PCDHGB4: variants seen among roughly 807,000 people sequenced by gnomAD.
The protein encoded by PCDHGB4 is protocadherin gamma subfamily B, 4.
A neutral mutation model predicts 60.5 loss-of-function variants in PCDHGB4; 38 were observed. The ratio of observed to expected loss-of-function variants is 0.63; its 90% CI spans 0.48 to 0.82. The LOEUF (loss-of-function observed/expected upper bound fraction) is 0.82. Among genes scored for constraint, PCDHGB4 ranks in the 40% least tolerant of loss-of-function variants. The pLI, the probability that PCDHGB4 is intolerant of heterozygous loss-of-function variation, is 0.00. For synonymous variants in PCDHGB4, 456 were observed against 509.7 expected (o/e 0.89, Z 1.42); for missense variants, 1,109 against 1,209.6 (o/e 0.92, Z 1.23).
At chr5:141,430,252 A>C (rs1292590200) in intron 1 of PCDHGB4, among the ~76,000 whole-genome samples, 1 of 102,244 alleles carries the variant, frequency 9.8e-6, no homozygotes, top group Admixed American at 1.0e-4. Context: ...CTAGGGAGAC[A>C]TCTCCATAAT....
intron 1 of PCDHGB4, chr5:141,413,940 TC>T (rs1190444840): frequency 1.2e-6 from 2 of 1,613,390 alleles, no homozygotes; most frequent in East Asian, 2.2e-5. Context: ...GAGTGAGTGT[TC>T]CTGAGAATTT....
At chr5:141,393,769 T>C in intron 1 of PCDHGB4, 2 of 1,613,912 alleles carry the variant, frequency 1.2e-6, no homozygotes, top group Non-Finnish European at 1.7e-6. Flanking sequence ...GAAATGGAAA[T>C]ACAAGCCGAA....
Position 141,388,177 on chromosome 5 carries a change from A to T in PCDHGB4, c.293A>T (p.Lys98Met), listed in dbSNP as rs778496978. 25 of 1,515,690 alleles carry T rather than the reference A, an allele frequency of 1.6e-5. No individual in the cohort carries two copies. The Admixed American group carries it at 4.5e-4, about 27-fold the overall frequency. 93.9% of individuals were successfully genotyped at this position (1,515,690 alleles called of 1,614,324 possible). Residue 98 changes from lysine (K) to methionine (M), a missense_variant, in exon 1 of 4, where the codon AAG becomes ATG. Lys to Met is a moderately conservative substitution (Grantham distance 95). Coordinates refer to ENST00000519479, the MANE Select transcript of PCDHGB4 (RefSeq NM_003736.4). ...SRLDREEICG[K>M]KPACALEFEA... The stretch of plus-strand genomic sequence containing the variant: ...CTAGACAGGGAGGAGATATGCGGGA[A>T]GAAGCCAGCTTGTGCTCTGGAATTT...
In PCDHGB4 at chr5:141,419,493, A is replaced by G. The variant is rs1246204844; in HGVS notation, c.2397+29212A>G. 5.0e-6 allele frequency: 8 copies of G among 1,612,382 alleles called. No individual in the cohort carries two copies. The highest frequency in any genetic ancestry group is 1.7e-4 in the Middle Eastern group (1 of 5,978). On this transcript the variant is annotated intron_variant, in intron 1 of 3. Coordinates refer to ENST00000519479, the MANE Select transcript of PCDHGB4 (RefSeq NM_003736.4). ...CAGGGCTCGCCCGCGCTCAGCGCCA[A>G]TGTGAGCCTGCGCGTGTTGGTGGGC...
chr5:141,422,400 G>A (rs1207332302), intron 1 of PCDHGB4: 3 of 1,598,664 alleles, frequency 1.9e-6, no homozygotes, highest in South Asian at 2.3e-5. Context: ...CTAACCACCT[G>A]CCTTTTAAAT....
At chr5:141,462,039 T>A (rs569871892) in intron 1 of PCDHGB4, among the ~76,000 whole-genome samples, 1 of 152,276 alleles carries the variant, frequency 6.6e-6, no homozygotes, top group Non-Finnish European at 1.5e-5. Flanking sequence ...GTCAGGCGGG[T>A]CTTGAACTCC....
intron 1 of PCDHGB4, among the ~76,000 whole-genome samples, chr5:141,494,100 G>T (rs559145191): frequency 6.6e-6 from 1 of 152,152 alleles, no homozygotes; most frequent in Non-Finnish European, 1.5e-5. Flanking sequence ...ATTTTTCTCC[G>T]TCTCAGACAG....
In PCDHGB4 at chr5:141,400,505, C is replaced by T. The variant is rs759107285; in HGVS notation, c.2397+10224C>T. The stretch of plus-strand genomic sequence containing the variant: ...TTTCCACTTTGTAATTCCAGCGAGT[C>T]GACTTCCCATCCTGAGTTGGTGAGT... On this transcript the variant is annotated intron_variant, in intron 1 of 3. Transcript: ENST00000519479. 9 of 1,613,816 alleles carry T rather than the reference C, an allele frequency of 5.6e-6. No homozygotes were observed. In the African/African-American group the frequency reaches 6.7e-5, roughly 12 times the overall value.
At chr5:141,497,245 G>T (rs779763574) in intron 2 of PCDHGB4, among the ~76,000 whole-genome samples, 2 of 152,138 alleles carry the variant, frequency 1.3e-5, no homozygotes, top group Non-Finnish European at 2.9e-5. Flanking sequence ...TCTAGGAGGA[G>T]GTGACATTGA....
chr5:141,407,959 G>T, intron 1 of PCDHGB4: 1 of 668,062 alleles, frequency 1.5e-6, no homozygotes, highest in South Asian at 2.3e-5. Flanking sequence ...CCAGTGCAGA[G>T]CAAGCGCTGA....
chr5:141,482,530 C>CAAAAAAAAAAAAAAAAA (rs3074545), intron 1 of PCDHGB4, among the ~76,000 whole-genome samples: 1 of 76,562 alleles, frequency 1.3e-5, no homozygotes, highest in African/African-American at 4.8e-5. Flanking sequence ...GACAGACATG[C>CAAAAAAAAAAAAAAAAA]AAAAAAAAAA....
chr5:141,465,501 C>T (rs1044567555), intron 1 of PCDHGB4, among the ~76,000 whole-genome samples: 1 of 152,164 alleles, frequency 6.6e-6, no homozygotes, highest in Non-Finnish European at 1.5e-5. Context: ...GGAGCATTGT[C>T]GTGGTCAGGA....
At chr5:141,466,022 T>C (rs1053231186) in intron 1 of PCDHGB4, among the ~76,000 whole-genome samples, 4 of 151,628 alleles carry the variant, frequency 2.6e-5, no homozygotes, top group African/African-American at 9.7e-5. Flanking sequence ...CTCGGGAGGG[T>C]GAGGCAGGAG....
In PCDHGB4 at chr5:141,432,776, G is replaced by C. The variant is rs975435403; in HGVS notation, c.2397+42495G>C. 1.9e-6 allele frequency: 3 copies of C among 1,614,172 alleles called. No homozygotes were observed. In the African/African-American group the frequency reaches 4.0e-5, roughly 22 times the overall value. ...GGCCGACAGCATCCCCCAAGTCCTG[G>C]CGGACCTCGGCAGCCTCGAGTCTCC... On this transcript the variant is annotated intron_variant, in intron 1 of 3. Transcript: ENST00000519479. This position sits in a 1 kb window ranked among gnomAD's most constrained non-coding sequence, Gnocchi z 6.0.
chr5:141,421,680 G>A (rs2096591907), intron 1 of PCDHGB4: 5 of 1,613,758 alleles, frequency 3.1e-6, no homozygotes, highest in Non-Finnish European at 4.2e-6. Context: ...TTCCTGGGGC[G>A]CGATTTGCTC....
intron 1 of PCDHGB4, chr5:141,400,256 G>T (rs756430299): frequency 8.1e-6 from 13 of 1,613,868 alleles, no homozygotes; most frequent in Non-Finnish European, 1.1e-5. Flanking sequence ...GTTGCCTTGC[G>T]CCTGCGACGC....
In PCDHGB4 at chr5:141,393,943, G is replaced by A. The variant is rs186465469; in HGVS notation, c.2397+3662G>A. Reference sequence around the variant, plus strand: ...TTGAGTGTGCATGACCAAGACTCTGGAAAGAATGGTCAAGTTGTCTGTTAC... The same window carrying A: ...TTGAGTGTGCATGACCAAGACTCTGAAAAGAATGGTCAAGTTGTCTGTTAC... On this transcript the variant is annotated intron_variant, in intron 1 of 3. Transcript: ENST00000519479. 1.6e-5 allele frequency: 26 copies of A among 1,613,936 alleles called. No homozygotes were observed. The East Asian group carries it at 3.1e-4, about 19-fold the overall frequency.
rs755130135 is a variant in PCDHGB4 at position 141,431,477 on chromosome 5, C to A, written c.2397+41196C>A. On this transcript the variant is annotated intron_variant, in intron 1 of 3. Coordinates refer to ENST00000519479, the MANE Select transcript of PCDHGB4 (RefSeq NM_003736.4). The surrounding 1 kb of genome is among the most constrained non-coding windows in gnomAD (Gnocchi z 4.8). ...GGTTCTGGATGCGAACGACAACGCA[C>A]CAGCGTTTGCTCAGCCCGAGTACCG... is the stretch of plus-strand genomic sequence containing the variant. 40 of 1,613,768 alleles carry A rather than the reference C, an allele frequency of 2.5e-5. No individual in the cohort carries two copies. The highest frequency in any genetic ancestry group is 3.3e-5 in the Admixed American group (2 of 60,008).
rs561499055 is a variant in PCDHGB4 at position 141,423,745 on chromosome 5, C to G, written c.2397+33464C>G. 10 of 605,688 alleles carry G rather than the reference C, an allele frequency of 1.7e-5. No individual in the cohort carries two copies. The East Asian group carries it at 3.1e-4, about 19-fold the overall frequency. The allele number at this position is 605,688 out of a possible 1,614,324, so 37.5% of individuals were successfully genotyped here. A position where few individuals can be genotyped will look rare whatever the true frequency, so the allele number is the denominator to read the frequency against. The stretch of plus-strand genomic sequence containing the variant: ...ATGTTTTTTGAGCCTGTTATGAAAA[C>G]TGTTTGGGGGGGGGGTGGGGCGGCA... On this transcript the variant is annotated intron_variant, in intron 1 of 3. Coordinates refer to ENST00000519479, the MANE Select transcript of PCDHGB4 (RefSeq NM_003736.4).
Sources: allele counts gnomAD v4.1 joint callset (sites outside exome capture counted in the v4.1 genomes callset), GRCh38; gene constraint gnomAD v4.1.1; non-coding constraint Gnocchi (gnomAD v3.1); transcripts MANE v1.5; gene names NCBI Gene and HGNC (gene_info 2026-07-23, HGNC 2026-07-21).